The following RREB1 variants were observed in gnomAD, a reference collection of about 807,000 sequenced individuals.
RREB1 encodes ras responsive element binding protein 1.
Under a neutral mutation model 117.8 loss-of-function variants are expected in RREB1, and 27 were observed. That is an observed-to-expected ratio of 0.23 (90% CI 0.17 to 0.32). The LOEUF is 0.32. Ranked by LOEUF, RREB1 falls within the 10% of genes least tolerant of loss-of-function variation. The pLI, the probability that RREB1 is intolerant of heterozygous loss-of-function variation, is 1.00. For synonymous variants in RREB1, 1,298 were observed against 1,026.7 expected, an observed-to-expected ratio of 1.26 and a Z score of -5.05; for missense variants, 2,577 against 2,378.2, an observed-to-expected ratio of 1.08 and a Z score of -1.74.
intron 12 of RREB1, 61 bp from the exon 13 acceptor site, chr6:7,248,450 C>A: frequency 7.1e-7 from 1 of 1,414,790 alleles, no homozygotes; most frequent in Non-Finnish European, 9.9e-7. Flanking sequence ...CTGTGCAGAG[C>A]AGGGTGCAGT....
intron 6 of RREB1, among the ~76,000 whole-genome samples, chr6:7,194,829 A>G (rs533692610): frequency 4.5e-4 from 69 of 152,190 alleles, no homozygotes; most frequent in Non-Finnish European, 8.5e-4. Flanking sequence ...CTGAGTCTGT[A>G]TTGTTAGAGC....
chr6:7,213,884 C>T (rs1051310358), intron 8 of RREB1: 2 of 152,384 alleles, frequency 1.3e-5, no homozygotes, highest in African/African-American at 4.8e-5. Flanking sequence ...TTACCCCCTT[C>T]TAGATAATTC....
At chr6:7,199,228 A>G (rs1417860697) in intron 6 of RREB1, among the ~76,000 whole-genome samples, 1 of 152,184 alleles carries the variant, frequency 6.6e-6, no homozygotes, top group Admixed American at 6.5e-5. Context: ...AAGAGCCTCA[A>G]TTTCTTCATC....
At chr6:7,193,671 A>C (rs1383416686) in intron 6 of RREB1, among the ~76,000 whole-genome samples, 2 of 152,210 alleles carry the variant, frequency 1.3e-5, no homozygotes, top group Non-Finnish European at 2.9e-5. Context: ...TGGGACACAG[A>C]TGCAGGTCTA....
chr6:7,228,921 T>G, intron 9 of RREB1, 76 bp from the exon 10 acceptor site: 1 of 1,309,406 alleles, frequency 7.6e-7, no homozygotes, highest in East Asian at 2.4e-5. Flanking sequence ...ACAAATACTT[T>G]GTGCATCTCC....
At chr6:7,173,173 C>T (rs1404744494) in intron 1 of RREB1, among the ~76,000 whole-genome samples, 3 of 152,142 alleles carry the variant, frequency 2.0e-5, no homozygotes, top group African/African-American at 7.2e-5. Context: ...TCTGTGGGAA[C>T]ATTTTTTTCA....
intron 11 of RREB1, among the ~76,000 whole-genome samples, chr6:7,245,807 G>GACCC (rs1043657633): frequency 3.3e-5 from 5 of 152,122 alleles, no homozygotes; most frequent in African/African-American, 1.2e-4. Context: ...CCACCCCTGG[G>GACCC]AGGCTGACAG....
At chr6:7,245,716 C>T (rs1768964993) in intron 11 of RREB1, among the ~76,000 whole-genome samples, 1 of 152,192 alleles carries the variant, frequency 6.6e-6, no homozygotes, top group Non-Finnish European at 1.5e-5. Flanking sequence ...CAGGCACCCA[C>T]AGCCCTTCAC....
intron 6 of RREB1, among the ~76,000 whole-genome samples, chr6:7,210,035 A>G (rs549519201): frequency 2.4e-4 from 36 of 152,356 alleles, no homozygotes; most frequent in Middle Eastern, 3.4e-3. Flanking sequence ...ATATCTTGGG[A>G]CCTTGTTCTT....
At chr6:7,224,882 G>A (rs1179943584) in intron 8 of RREB1, among the ~76,000 whole-genome samples, 2 of 152,152 alleles carry the variant, frequency 1.3e-5, no homozygotes, top group Non-Finnish European at 2.9e-5. Flanking sequence ...CCGGGTTTGG[G>A]GTTCCAAAGG....
intron 6 of RREB1, among the ~76,000 whole-genome samples, chr6:7,190,441 C>T (rs745433215): frequency 3.3e-5 from 5 of 152,132 alleles, no homozygotes; most frequent in South Asian, 2.1e-4. Flanking sequence ...TTATTATTTG[C>T]GTTTCTAAGT....
chr6:7,124,705 G>A (rs533515016), intron 1 of RREB1, among the ~76,000 whole-genome samples: 1 of 152,338 alleles, frequency 6.6e-6, no homozygotes, highest in East Asian at 1.9e-4. Flanking sequence ...GCAGTCATAA[G>A]ATCTAACATT....
chr6:7,204,093 C>A (rs2113600491), intron 6 of RREB1, among the ~76,000 whole-genome samples: 1 of 152,304 alleles, frequency 6.6e-6, no homozygotes, highest in East Asian at 1.9e-4. Flanking sequence ...GCCAGGCTGA[C>A]TTTAGATTTT....
At chr6:7,173,044 A>T (rs997391547) in intron 1 of RREB1, among the ~76,000 whole-genome samples, 1 of 152,102 alleles carries the variant, frequency 6.6e-6, no homozygotes, top group African/African-American at 2.4e-5. Context: ...GGTTGGCCTG[A>T]ACTGGTCAAC....
chr6:7,111,969 T>C (rs1761169767), intron 1 of RREB1, among the ~76,000 whole-genome samples: 2 of 152,234 alleles, frequency 1.3e-5, no homozygotes, highest in South Asian at 2.1e-4. Context: ...TTAGTATCAG[T>C]AGAAAGTATG....
At chr6:7,241,331 G>A (rs1407070942) in intron 11 of RREB1, among the ~76,000 whole-genome samples, 3 of 152,048 alleles carry the variant, frequency 2.0e-5, no homozygotes, top group Non-Finnish European at 4.4e-5. Context: ...GGACTGCTGG[G>A]GTTCTCCATC....
rs1766617814 is a variant in RREB1, at chr6:7,211,728, T to C, written c.707+19T>C. The C allele has an allele frequency of 6.2e-7, 1 of 1,612,086 alleles. No homozygotes were observed. Among genetic ancestry groups the C allele is most frequent in the Admixed American group, 1.7e-5 (1 of 59,998 alleles). The stretch of plus-strand genomic sequence containing the variant: ...CACTAAGGTAGGAGAAAGAGTGAAC[T>C]AGACCTTGTTCATTCCTGTTTCTCC... On this transcript the variant is annotated intron_variant, in intron 8 of 12. Coordinates refer to ENST00000379938, the MANE Select transcript of RREB1 (RefSeq NM_001003699.4).
rs1194696512 is a variant in RREB1 at position 7,246,831 on chromosome 6, G to A, written c.4381G>A (p.Gly1461Ser). 1 of 1,553,350 alleles carries A rather than the reference G, an allele frequency of 6.4e-7. No individual in the cohort carries two copies. Among genetic ancestry groups the A allele is most frequent in the East Asian group, 2.4e-5 (1 of 41,322 alleles). The part of the protein sequence containing the change: ...DTCGKSFKFL[G>S]TLSRHRKAHG... ...CTGTGGGAAGAGCTTCAAGTTCCTG[G>A]GCACCCTGAGCCGCCACCGGAAGGC... Residue 1461 changes from glycine (G) to serine (S), a missense_variant, in exon 12 of 13, where the codon GGC (glycine) becomes AGC (serine). By Grantham distance (56) the Gly-to-Ser change is moderately conservative. Transcript: ENST00000379938.
At chr6:7,221,436 T>C (rs1298778571) in intron 8 of RREB1, among the ~76,000 whole-genome samples, 2 of 152,138 alleles carry the variant, frequency 1.3e-5, no homozygotes, top group East Asian at 3.9e-4. Flanking sequence ...CCTCCCAAAG[T>C]GCTGGGATTA....
Sources: gnomAD v4.1 joint callset for allele counts (sites outside exome capture counted in the v4.1 genomes callset) on GRCh38, gnomAD v4.1.1 for gene constraint, MANE v1.5 for transcripts, NCBI Gene and HGNC (gene_info 2026-07-23, HGNC 2026-07-21) for gene names.